TUBGCP6: variants seen among roughly 807,000 people sequenced by gnomAD.
The protein encoded by TUBGCP6 is gamma-tubulin complex component 6.
A neutral mutation model predicts 175.8 loss-of-function variants in TUBGCP6; 161 were observed. The observed-to-expected ratio is 0.92, with a 90% CI of 0.81 to 1.04. The LOEUF (loss-of-function observed/expected upper bound fraction) is 1.04, where lower values mean the gene tolerates loss of function less well. TUBGCP6 is among the 50% of genes least tolerant of loss of function. The pLI is 0.00. For synonymous variants in TUBGCP6, 1,173 were observed against 1,030.5 expected, an observed-to-expected ratio of 1.14 and a Z score of -2.65; for missense variants, 2,572 against 2,433.0, an observed-to-expected ratio of 1.06 and a Z score of -1.20.
intron 1 of TUBGCP6, among the ~76,000 whole-genome samples, chr22:50,241,721 A>G (rs919345886): frequency 6.6e-6 from 1 of 152,136 alleles, no homozygotes; most frequent in African/African-American, 2.4e-5. Context: ...TTGACACGTG[A>G]CCCACGTGAC....
Position 50,226,705 on chromosome 22 carries a change from C to T in TUBGCP6, c.1601+28G>A, listed in dbSNP as rs370608964. ...TGTCTGCCTGGTGGGAGTGCGCGCC[C>T]GCCGCGCCTGCCCAGCCCACTGCCC... On this transcript the variant is annotated intron_variant, in intron 7 of 24. Coordinates refer to ENST00000248846, the MANE Select transcript of TUBGCP6 (RefSeq NM_020461.4). The T allele has an allele frequency of 7.1e-5, 110 of 1,545,186 alleles. No individual in the cohort carries two copies. The African/African-American group carries it at 1.1e-3, about 15-fold the overall frequency.
intron 3 of TUBGCP6, among the ~76,000 whole-genome samples, chr22:50,230,921 T>C (rs1394469045): frequency 6.8e-6 from 1 of 146,264 alleles, no homozygotes; most frequent in Non-Finnish European, 1.5e-5. Flanking sequence ...CCATCTCTAA[T>C]AAAAACAAAA....
At position 50,218,915 on chromosome 22, in the gene TUBGCP6, C is replaced by T. The variant is rs1419897267; in HGVS notation, c.4627-18G>A. On this transcript the variant is annotated intron_variant, in intron 20 of 24. Transcript: ENST00000248846. ...GCTCCAAGCTAGGCAGAAAAGGGAC[C>T]ACCGTCCCCAGGAGTCCCAAGCACA... The T allele has an allele frequency of 6.9e-6, 11 of 1,601,586 alleles. No individual in the cohort carries two copies. Among genetic ancestry groups the T allele is most frequent in the Non-Finnish European group, 9.4e-6 (11 of 1,173,470 alleles).
At chr22:50,217,866 G>C (rs779654243) in intron 24 of TUBGCP6, 39 bp from the exon 25 acceptor site, 1 of 1,610,540 alleles carries the variant, frequency 6.2e-7, no homozygotes, top group East Asian at 2.2e-5. Flanking sequence ...TGCCCACAGT[G>C]TGAGCCCCGC....
At chr22:50,242,180 T>A (rs183181488) in intron 1 of TUBGCP6, among the ~76,000 whole-genome samples, 71 of 151,876 alleles carry the variant, frequency 4.7e-4, no homozygotes, top group Non-Finnish European at 7.5e-4. Context: ...TAGTCCCAGC[T>A]ACTCAGGAGG....
chr22:50,221,758 C>A lies in TUBGCP6; in HGVS notation c.2601G>T (p.Gln867His). The A allele has an allele frequency of 6.6e-7, 1 of 1,515,252 alleles. No individual in the cohort carries two copies. The highest frequency in any genetic ancestry group is 8.8e-7 in the Non-Finnish European group (1 of 1,132,498). The allele number at this position is 1,515,252 out of a possible 1,614,324, so 93.9% of individuals were successfully genotyped here. ...GWNRPGLLTP[Q>H]PLKPLAVGAG... ...CCCCCACTGCTAGAGGCTTAAGGGG[C>A]TGTGGGGTCAGCAGGCCTGGCCTGT... is the stretch of plus-strand genomic sequence containing the variant. Residue 867 changes from glutamine (Q) to histidine (H), a missense_variant, in exon 16 of 25, where the codon CAG becomes CAT. Gln to His is a conservative substitution (Grantham distance 24, BLOSUM62 0). Transcript: ENST00000248846.
Position 50,233,533 on chromosome 22 carries a change from G to T in TUBGCP6, c.906-7C>A. 1.9e-6 allele frequency: 3 copies of T among 1,598,088 alleles called. No individual in the cohort carries two copies. The highest frequency in any genetic ancestry group is 2.6e-6 in the Non-Finnish European group (3 of 1,172,822). On this transcript the variant is annotated splice_polypyrimidine_tract_variant and splice_region_variant and intron_variant, in intron 2 of 24. Transcript: ENST00000248846. ...CTCTCTGTGGCCAGGGGGGCTGCGA[G>T]GGGTGCAGAAGAGAGGCCATGAGCA...
chr22:50,230,655 T>C (rs1311800704), intron 3 of TUBGCP6, among the ~76,000 whole-genome samples: 1 of 148,114 alleles, frequency 6.8e-6, no homozygotes, highest in African/African-American at 2.5e-5. Context: ...TGCATGCCTG[T>C]TGGTCCCAGC....
intron 2 of TUBGCP6, among the ~76,000 whole-genome samples, chr22:50,237,225 G>GC (rs1275674534): frequency 1.3e-5 from 2 of 152,230 alleles, no homozygotes; most frequent in Non-Finnish European, 2.9e-5. Context: ...GGGGCGAGTG[G>GC]CCCCCCGTGG....
chr22:50,219,949 C>T lies in TUBGCP6; in HGVS notation c.4167+8G>A. On this transcript the variant is annotated splice_region_variant and intron_variant, in intron 17 of 24. Transcript: ENST00000248846. ...TGCTGTGGGACCCCCAGGCTGCATC[C>T]ACCTAACCTGTGAGTTGAGAGGCCA... 1 of 1,614,040 alleles carries T rather than the reference C, an allele frequency of 6.2e-7. No individual in the cohort carries two copies. The highest frequency in any genetic ancestry group is 8.5e-7 in the Non-Finnish European group (1 of 1,179,970).
At chr22:50,221,938 C>G (rs1285237026) in intron 15 of TUBGCP6, 64 bp from the exon 16 acceptor site, 17 of 1,575,882 alleles carry the variant, frequency 1.1e-5, no homozygotes, top group Non-Finnish European at 1.5e-5. Context: ...GAACTGTCCC[C>G]CAAGTTCAGC....
intron 2 of TUBGCP6, among the ~76,000 whole-genome samples, chr22:50,234,299 C>CCT (rs2064733805): frequency 9.2e-6 from 1 of 108,794 alleles, no homozygotes; most frequent in African/African-American, 3.7e-5. Flanking sequence ...CACCCACACC[C>CCT]ACCCATGGCA....
At chr22:50,225,434 GTC>G (rs1365336467) in intron 10 of TUBGCP6, among the ~76,000 whole-genome samples, 3 of 152,192 alleles carry the variant, frequency 2.0e-5, no homozygotes, top group Non-Finnish European at 4.4e-5. Context: ...AGCCAGGACT[GTC>G]TGTCCACAGC....
At chr22:50,233,237 CCCCAT>C in intron 3 of TUBGCP6, 74 bp downstream of exon 3, 1 of 1,510,818 alleles carries the variant, frequency 6.6e-7, no homozygotes, top group Non-Finnish European at 9.0e-7. Flanking sequence ...GCTTGTTCTG[CCCCAT>C]AAAGGGCTGG....
intron 2 of TUBGCP6, among the ~76,000 whole-genome samples, chr22:50,238,186 T>G (rs1011481301): frequency 2.0e-4 from 30 of 150,458 alleles, no homozygotes; most frequent in African/African-American, 6.1e-4. Context: ...GAGGGAGAGT[T>G]TGGGGGACCT....
In TUBGCP6 at chr22:50,224,543, T is replaced by C; in HGVS notation, c.2033A>G (p.Glu678Gly). Residue 678 changes from glutamate to glycine, a missense_variant, in exon 11 of 25, where the codon GAA (glutamate) becomes GGA (glycine). Glu to Gly is a moderately conservative substitution (Grantham distance 98). Transcript: ENST00000248846. Reference protein sequence around the residue: ...AKQELIAHAREAASRVLSALS... With the variant: ...AKQELIAHARGAASRVLSALS... ...TGCACTCAGGACCCTGGATGCTGCT[T>C]CCCGGGCATGAGCGATTAATTCTTG... 6.2e-7 allele frequency: 1 copy of C among 1,614,170 alleles called. No individual in the cohort carries two copies. Among genetic ancestry groups the C allele is most frequent in the Non-Finnish European group, 8.5e-7 (1 of 1,180,036 alleles).
At position 50,218,478 on chromosome 22, in the gene TUBGCP6, G is replaced by A. The variant is rs200824422; in HGVS notation, c.4954+10C>T. ...GGGGTGCGGGGCGCCGGGCTCCAGC[G>A]GGGCCTCACCTGTGCGCTTGAGGTG... On this transcript the variant is annotated intron_variant, in intron 22 of 24. Transcript: ENST00000248846. 62 of 1,613,074 alleles carry A rather than the reference G, an allele frequency of 3.8e-5. No homozygotes were observed. The highest frequency in any genetic ancestry group is 4.7e-5 in the Non-Finnish European group (55 of 1,179,896).
At chr22:50,223,657 G>GT (rs1163959446) in intron 13 of TUBGCP6, 1 of 155,812 alleles carries the variant, frequency 6.4e-6, no homozygotes, top group Non-Finnish European at 1.4e-5. Flanking sequence ...GCGGATGCCT[G>GT]TAACCCCAGC....
In TUBGCP6 at chr22:50,218,901, G is replaced by C. The variant is rs987096023; in HGVS notation, c.4627-4C>G. On this transcript the variant is annotated splice_polypyrimidine_tract_variant and splice_region_variant and intron_variant, in intron 20 of 24. Transcript: ENST00000248846. ...CGGGCGTTTGCCCAGCTCCAAGCTA[G>C]GCAGAAAAGGGACCACCGTCCCCAG... is the stretch of plus-strand genomic sequence containing the variant. 1 of 1,606,560 alleles carries C rather than the reference G, an allele frequency of 6.2e-7. No homozygotes were observed. The highest frequency in any genetic ancestry group is 1.3e-5 in the African/African-American group (1 of 74,778).
Sources: allele counts gnomAD v4.1 joint callset (sites outside exome capture counted in the v4.1 genomes callset), GRCh38; gene constraint gnomAD v4.1.1; transcripts MANE v1.5; gene names NCBI Gene and HGNC (gene_info 2026-07-23, HGNC 2026-07-21).